Variants in ADGB observed in about 807,000 individuals in gnomAD.
ADGB encodes androglobin, also known as calpain-7-like protein.
In ADGB, 172 loss-of-function variants were observed where a neutral mutation model predicts 210.5. The ratio of observed to expected loss-of-function variants is 0.82; its 90% CI spans 0.72 to 0.93. ADGB has a LOEUF of 0.93. Among genes scored for constraint, ADGB ranks in the 40% least tolerant of loss-of-function variants. The probability of loss-of-function intolerance (pLI) is 0.00; values close to 1 mark genes in which losing one functional copy is unlikely to be tolerated. For synonymous variants in ADGB, 658 were observed against 662.7 expected, an observed-to-expected ratio of 0.99 and a Z score of 0.11; for missense variants, 2,025 against 1,964.8, an observed-to-expected ratio of 1.03 and a Z score of -0.58.
At chr6:146,720,000 A>T (rs2114569877) in intron 16 of ADGB, among the ~76,000 whole-genome samples, 1 of 152,358 alleles carries the variant, frequency 6.6e-6, no homozygotes, top group Admixed American at 6.5e-5. Context: ...ATAGTTGATT[A>T]AATAACAAGG....
At chr6:146,647,136 ACACAAAAAACAAACAAACAAAAAAAAC>A (rs1775630186) in intron 3 of ADGB, among the ~76,000 whole-genome samples, 3 of 150,768 alleles carry the variant, frequency 2.0e-5, no homozygotes, top group Admixed American at 1.3e-4. Flanking sequence ...ACAAACAAAA[ACACAAAAAACAAACAAACAAAAAAAAC>A]CAGATTCCTG....
At chr6:146,633,806 T>C (rs909842618) in intron 1 of ADGB, among the ~76,000 whole-genome samples, 4 of 152,164 alleles carry the variant, frequency 2.6e-5, no homozygotes, top group Non-Finnish European at 5.9e-5. Flanking sequence ...TAACAACACT[T>C]TGGCCACTGA....
Position 146,672,306 on chromosome 6 carries a change from A to G in ADGB, c.926A>G (p.Lys309Arg). 6.4e-7 allele frequency: 1 copy of G among 1,551,470 alleles called. No homozygotes were observed. Among genetic ancestry groups the G allele is most frequent in the Admixed American group, 2.0e-5 (1 of 50,984 alleles). Residue 309 changes from lysine to arginine, a missense_variant, in exon 8 of 36, where the codon AAA becomes AGA. Physicochemically the swap from Lys to Arg is conservative, Grantham distance 26 (BLOSUM62 2). Coordinates refer to ENST00000397944, the MANE Select transcript of ADGB (RefSeq NM_024694.4). Reference protein sequence around the residue: ...KLSDEASSESKIAVLDSKLKE... With the variant: ...KLSDEASSESRIAVLDSKLKE... The stretch of plus-strand genomic sequence containing the variant: ...TCAGATGAGGCCAGCTCTGAAAGCA[A>G]AATAGCAGTGTTAGATTCTAAATTA...
At chr6:146,654,075 T>C in intron 3 of ADGB, 60 bp from the exon 4 acceptor site, 2 of 1,179,998 alleles carry the variant, frequency 1.7e-6, no homozygotes, top group Non-Finnish European at 2.4e-6. Flanking sequence ...AACTATTTCA[T>C]TAAATTACTT....
chr6:146,731,351 A>G (rs529418341), intron 20 of ADGB, among the ~76,000 whole-genome samples: 2 of 120,694 alleles, frequency 1.7e-5, no homozygotes, highest in East Asian at 2.7e-4. Context: ...TTAAATCACC[A>G]TATGACAAAA....
At chr6:146,694,507 A>T (rs1776378357) in intron 12 of ADGB, among the ~76,000 whole-genome samples, 1 of 152,190 alleles carries the variant, frequency 6.6e-6, no homozygotes, top group African/African-American at 2.4e-5. Context: ...ATCTCAACAT[A>T]TAAATTTGAT....
chr6:146,692,815 T>C lies in ADGB; in HGVS notation c.1487-10T>C. The C allele has an allele frequency of 6.9e-7, 1 of 1,453,498 alleles. No individual in the cohort carries two copies. Among genetic ancestry groups the C allele is most frequent in the East Asian group, 2.5e-5 (1 of 40,320 alleles). 90.0% of individuals were successfully genotyped at this position (1,453,498 alleles called of 1,614,324 possible). ...AATGTACATCATACTTTCTAACTGC[T>C]ACTTTTTAGAGTTAATAGTAAAGAA... On this transcript the variant is annotated splice_polypyrimidine_tract_variant and intron_variant, in intron 11 of 35. Coordinates refer to ENST00000397944, the MANE Select transcript of ADGB (RefSeq NM_024694.4).
At chr6:146,811,759 C>T (rs1266140569) in intron 35 of ADGB, among the ~76,000 whole-genome samples, 8 of 152,170 alleles carry the variant, frequency 5.3e-5, no homozygotes, top group Admixed American at 2.6e-4. Flanking sequence ...GCAACCTCCA[C>T]CTCCCAGGTT....
intron 33 of ADGB, 85 bp from the exon 34 acceptor site, chr6:146,801,098 A>T: frequency 3.4e-6 from 2 of 589,872 alleles, no homozygotes; most frequent in Admixed American, 4.2e-5. Context: ...AAAAACAACC[A>T]ATTAAAATGA....
Position 146,730,667 on chromosome 6 carries a change from T to A in ADGB, c.2520+1926T>A, listed in dbSNP as rs1776967740. 4.6e-5 allele frequency among the ~76,000 whole-genome samples: 7 copies of A among 152,210 alleles called. 1 individual carries two copies. In the South Asian group the frequency reaches 1.4e-3, roughly 31 times the overall value. ...CATGATGATTAACATTTCAAATAAA[T>A]GGTACTCAGGTCCTGGACAAAAACA... On this transcript the variant is annotated intron_variant, in intron 20 of 35. Coordinates refer to ENST00000397944, the MANE Select transcript of ADGB (RefSeq NM_024694.4).
In ADGB at chr6:146,666,806, T is replaced by C; in HGVS notation, c.753-10T>C. 1 of 1,541,684 alleles carries C rather than the reference T, an allele frequency of 6.5e-7. No homozygotes were observed. Among genetic ancestry groups the C allele is most frequent in the South Asian group, 1.2e-5 (1 of 82,802 alleles). Reference sequence around the variant, plus strand: ...TTGCTACCTGTAACATTATGCATGTTCTTTTTTAGCATCCATGTAGCAGAC... The same window carrying C: ...TTGCTACCTGTAACATTATGCATGTCCTTTTTTAGCATCCATGTAGCAGAC... On this transcript the variant is annotated splice_polypyrimidine_tract_variant and intron_variant, in intron 6 of 35. Transcript: ENST00000397944.
At chr6:146,762,532 TC>T (rs1416494007) in intron 27 of ADGB, among the ~76,000 whole-genome samples, 1 of 152,190 alleles carries the variant, frequency 6.6e-6, no homozygotes, top group African/African-American at 2.4e-5. Context: ...GACTATTTTC[TC>T]AAGTTATGGT....
intron 8 of ADGB, 52 bp downstream of exon 8, chr6:146,672,519 G>A (rs550224072): frequency 7.5e-6 from 11 of 1,465,228 alleles, no homozygotes; most frequent in Non-Finnish European, 9.9e-6. Context: ...GCATATAAAT[G>A]CCTTACAATT....
chr6:146,601,533 G>T (rs967775544), intron 1 of ADGB, among the ~76,000 whole-genome samples: 2 of 152,194 alleles, frequency 1.3e-5, no homozygotes, highest in African/African-American at 4.8e-5. Flanking sequence ...AGTATGAGGC[G>T]TAGGGATCAA....
At chr6:146,696,345 G>A (rs1017071402) in intron 12 of ADGB, among the ~76,000 whole-genome samples, 1 of 149,256 alleles carries the variant, frequency 6.7e-6, no homozygotes, top group Non-Finnish European at 1.5e-5. Context: ...CAAAGTGCTG[G>A]GATTACAGGT....
chr6:146,605,564 G>A (rs1480239525), intron 1 of ADGB, among the ~76,000 whole-genome samples: 1 of 151,936 alleles, frequency 6.6e-6, no homozygotes, highest in East Asian at 1.9e-4. Context: ...TAATTTAATT[G>A]AGTTGAACAG....
At chr6:146,737,414 G>A (rs531917831) in intron 23 of ADGB, among the ~76,000 whole-genome samples, 14 of 152,244 alleles carry the variant, frequency 9.2e-5, no homozygotes, top group African/African-American at 2.9e-4. Flanking sequence ...GGAAAATAGC[G>A]TAAGGGACTT....
At chr6:146,707,683 G>A (rs925167883) in intron 13 of ADGB, among the ~76,000 whole-genome samples, 69 of 151,832 alleles carry the variant, frequency 4.5e-4, no homozygotes, top group Non-Finnish European at 6.9e-4. Flanking sequence ...ACATTTGCAC[G>A]GAATATCCTT....
chr6:146,806,843 G>T (rs939173272), intron 35 of ADGB, among the ~76,000 whole-genome samples: 1 of 152,214 alleles, frequency 6.6e-6, no homozygotes, highest in African/African-American at 2.4e-5. Flanking sequence ...AGTTGATCCA[G>T]GAGGAGAGCG....
Sources: allele counts gnomAD v4.1 joint callset (sites outside exome capture counted in the v4.1 genomes callset), GRCh38; gene constraint gnomAD v4.1.1; transcripts MANE v1.5; gene names NCBI Gene and HGNC (gene_info 2026-07-23, HGNC 2026-07-21).